DLG2: variants seen among roughly 807,000 people sequenced by gnomAD.
The protein encoded by DLG2 is discs large MAGUK scaffold protein 2.
DLG2 carries 45 observed loss-of-function variants against 132.5 expected under a neutral mutation model. The observed-to-expected ratio is 0.34, with a 90% confidence interval of 0.27 to 0.44. DLG2 has a LOEUF of 0.44. Ranked by LOEUF, DLG2 falls within the 20% of genes least tolerant of loss-of-function variation. DLG2 has a pLI of 1.00. For synonymous variants in DLG2, 424 were observed against 419.6 expected (o/e 1.01, Z -0.13); for missense variants, 1,045 against 1,196.9 (o/e 0.87, Z 1.87).
Position 83,786,697 on chromosome 11 carries a change from T to C in DLG2, c.1818A>G (p.Gln606=). 6.2e-7 allele frequency: 1 copy of C among 1,613,840 alleles called. No individual in the cohort carries two copies. Among genetic ancestry groups the C allele is most frequent in the Non-Finnish European group, 8.5e-7 (1 of 1,179,784 alleles). The change falls in exon 18 of 28, where the codon CAA becomes CAG. Residue 606 remains glutamine (Q), a synonymous_variant. Transcript: ENST00000376104. ...GQTVTIIAQY[Q]PEDYARFEAK... ...GTTTGAGTTCTGACTGACCTTCAGGTTGATATTGTGCTATAATCGTCACTG... is the reference window on the plus strand; with the variant it reads ...GTTTGAGTTCTGACTGACCTTCAGGCTGATATTGTGCTATAATCGTCACTG...
intron 3 of DLG2, among the ~76,000 whole-genome samples, chr11:85,343,518 T>C (rs1396081231): frequency 6.6e-6 from 1 of 152,192 alleles, no homozygotes; most frequent in Non-Finnish European, 1.5e-5. Context: ...ATGTATTGAA[T>C]AAACCTGTGA....
intron 8 of DLG2, among the ~76,000 whole-genome samples, chr11:84,183,893 C>T (rs551605599): frequency 6.6e-6 from 1 of 152,132 alleles, no homozygotes; most frequent in Non-Finnish European, 1.5e-5. Flanking sequence ...TGTCCCTACA[C>T]AGGACATGAA....
intron 6 of DLG2, among the ~76,000 whole-genome samples, chr11:84,652,945 T>G (rs1844632684): frequency 1.3e-5 from 2 of 151,698 alleles, no homozygotes; most frequent in Non-Finnish European, 2.9e-5. Flanking sequence ...TTTTTTTTTT[T>G]TTTTTAGATG....
rs541808867 is a variant in DLG2, at chr11:85,543,513, T to C, written c.40+55144A>G. Among the ~76,000 whole-genome samples, 11 of 152,308 alleles carry C rather than the reference T, an allele frequency of 7.2e-5. No homozygotes were observed. The East Asian group carries it at 2.1e-3, about 29-fold the overall frequency. ...TTGGGTATATACCCAATAATGGGAT[T>C]GTCGGGTCAAATGGTATTTCTAGTT... On this transcript the variant is annotated intron_variant, in intron 3 of 27. Coordinates refer to ENST00000376104, the MANE Select transcript of DLG2 (RefSeq NM_001142699.3).
chr11:84,012,529 G>A (rs2094943040), intron 11 of DLG2, among the ~76,000 whole-genome samples: 1 of 152,076 alleles, frequency 6.6e-6, no homozygotes, highest in South Asian at 2.1e-4. Flanking sequence ...GAATATAGTT[G>A]GCAAATGCAG....
chr11:84,338,523 C>A (rs546642593), intron 7 of DLG2, among the ~76,000 whole-genome samples: 333 of 152,248 alleles, frequency 2.2e-3, no homozygotes, highest in African/African-American at 7.5e-3. Flanking sequence ...CGTTTCTTCA[C>A]ATATAAAGTG....
chr11:84,438,287 G>A (rs2099006984), intron 7 of DLG2, among the ~76,000 whole-genome samples: 1 of 152,146 alleles, frequency 6.6e-6, no homozygotes, highest in Non-Finnish European at 1.5e-5. Flanking sequence ...GGCAAAGTGA[G>A]CAGGATGAAG....
chr11:84,615,935 A>G (rs2099603625), intron 6 of DLG2, among the ~76,000 whole-genome samples: 3 of 151,792 alleles, frequency 2.0e-5, no homozygotes, highest in Non-Finnish European at 4.4e-5. Context: ...CTGGGTATAA[A>G]TGGTAAAGAA....
intron 6 of DLG2, among the ~76,000 whole-genome samples, chr11:84,925,219 C>T (rs567249767): frequency 6.6e-6 from 1 of 151,958 alleles, no homozygotes; most frequent in Admixed American, 6.6e-5. Context: ...GAGAGAGAGA[C>T]CAAAAAGAAC....
intron 6 of DLG2, among the ~76,000 whole-genome samples, chr11:84,590,918 G>A (rs1010414084): frequency 4.6e-5 from 7 of 152,180 alleles, no homozygotes; most frequent in African/African-American, 1.7e-4. Flanking sequence ...TGCAAATTGG[G>A]AAGAAAATGA....
chr11:84,246,772 T>C (rs958123524), intron 8 of DLG2, among the ~76,000 whole-genome samples: 124 of 152,190 alleles, frequency 8.1e-4, no homozygotes, highest in Non-Finnish European at 3.4e-4. Context: ...ACCAGGAGAT[T>C]TGGAATGTGT....
chr11:85,470,326 C>G (rs2092943604), intron 3 of DLG2, among the ~76,000 whole-genome samples: 1 of 151,850 alleles, frequency 6.6e-6, no homozygotes, highest in South Asian at 2.1e-4. Context: ...ATAGCAAAAT[C>G]ATTTTGGATG....
chr11:83,646,229 A>C (rs924150857), intron 18 of DLG2, among the ~76,000 whole-genome samples: 2 of 152,172 alleles, frequency 1.3e-5, no homozygotes, highest in African/African-American at 2.4e-5. Flanking sequence ...AGTCTTGAGT[A>C]GGAATTTAGT....
intron 3 of DLG2, among the ~76,000 whole-genome samples, chr11:85,339,205 C>T (rs926944861): frequency 6.6e-6 from 1 of 152,142 alleles, no homozygotes; most frequent in Non-Finnish European, 1.5e-5. Flanking sequence ...TCTTTCTTAA[C>T]AGATGTACAG....
intron 7 of DLG2, among the ~76,000 whole-genome samples, chr11:84,350,566 G>T (rs1466417539): frequency 6.6e-6 from 1 of 152,028 alleles, no homozygotes; most frequent in Non-Finnish European, 1.5e-5. Flanking sequence ...GTCAATACTG[G>T]GTTATTGAAC....
At chr11:84,612,325 C>T (rs1342875578) in intron 6 of DLG2, among the ~76,000 whole-genome samples, 1 of 151,522 alleles carries the variant, frequency 6.6e-6, no homozygotes, top group Admixed American at 6.6e-5. Flanking sequence ...TTCAGTAGAA[C>T]CTGTTGATAT....
chr11:85,150,426 T>C (rs2077163651), intron 5 of DLG2, among the ~76,000 whole-genome samples: 1 of 152,134 alleles, frequency 6.6e-6, no homozygotes, highest in Non-Finnish European at 1.5e-5. Context: ...TATATTACAT[T>C]GCTGTGAAAC....
intron 10 of DLG2, among the ~76,000 whole-genome samples, chr11:84,088,638 C>T (rs539569292): frequency 6.6e-6 from 1 of 152,256 alleles, no homozygotes; most frequent in South Asian, 2.1e-4. Flanking sequence ...CACAGAACCA[C>T]TTGCTAGGTG....
chr11:85,106,343 G>GCTAA (rs1414524084), intron 6 of DLG2, among the ~76,000 whole-genome samples: 4 of 151,950 alleles, frequency 2.6e-5, no homozygotes, highest in African/African-American at 9.7e-5. Flanking sequence ...TCATTAATAT[G>GCTAA]ACACTCCTAT....
Sources: allele counts gnomAD v4.1 joint callset (sites outside exome capture counted in the v4.1 genomes callset), GRCh38; gene constraint gnomAD v4.1.1; transcripts MANE v1.5; gene names NCBI Gene and HGNC (gene_info 2026-07-23, HGNC 2026-07-21).